The following SLC25A13 variants were observed in gnomAD, a reference collection of about 807,000 sequenced individuals.
SLC25A13 encodes the protein solute carrier family 25 member 13, also known as electrogenic aspartate/glutamate antiporter SLC25A13, mitochondrial.
Under a neutral mutation model 85.5 loss-of-function variants are expected in SLC25A13, and 70 were observed. The ratio of observed to expected loss-of-function variants is 0.82; its 90% CI spans 0.68 to 1.00. The LOEUF (loss-of-function observed/expected upper bound fraction) is 1.00, where lower values mean the gene tolerates loss of function less well. Among genes scored for constraint, SLC25A13 ranks in the 50% least tolerant of loss-of-function variants. SLC25A13 has a pLI of 0.00. For missense variants in SLC25A13, 765 were observed against 819.8 expected (o/e 0.93, Z 0.82); for synonymous variants, 259 against 288.7 (o/e 0.90, Z 1.04).
intron 14 of SLC25A13, among the ~76,000 whole-genome samples, chr7:96,133,207 T>C (rs1792109988): frequency 6.6e-6 from 1 of 152,228 alleles, no homozygotes; most frequent in African/African-American, 2.4e-5. Flanking sequence ...AGCATGCCTC[T>C]GTTCACTCTG....
intron 3 of SLC25A13, among the ~76,000 whole-genome samples, chr7:96,245,340 C>CT (rs1444068719): frequency 6.6e-6 from 1 of 152,048 alleles, no homozygotes; most frequent in African/African-American, 2.4e-5. Context: ...TCCTTGCCAC[C>CT]TCCCTCAACC....
At chr7:96,123,731 G>A (rs1791613401) in intron 15 of SLC25A13, among the ~76,000 whole-genome samples, 1 of 152,164 alleles carries the variant, frequency 6.6e-6, no homozygotes. Context: ...TCCAGTGTGA[G>A]GATTTGCTAA....
intron 3 of SLC25A13, among the ~76,000 whole-genome samples, chr7:96,259,850 T>C (rs553794424): frequency 6.6e-6 from 1 of 152,226 alleles, no homozygotes; most frequent in African/African-American, 2.4e-5. Flanking sequence ...GTGGCATATA[T>C]ACACCATAGA....
rs867595725 is a variant in SLC25A13, at chr7:96,188,588, T to C, written c.933+706A>G. Among the ~76,000 whole-genome samples the C allele has an allele frequency of 5.9e-5, 9 of 152,348 alleles. No homozygotes were observed. The Middle Eastern group carries it at 0.01, about 173-fold the overall frequency. On this transcript the variant is annotated intron_variant, in intron 9 of 17. Transcript: ENST00000265631. The stretch of plus-strand genomic sequence containing the variant: ...GAGTGGATTTATTTTACAAACACCA[T>C]TTATTTTACTAACACATGCTATGAA...
chr7:96,164,696 CA>C (rs1204783807), intron 13 of SLC25A13, among the ~76,000 whole-genome samples: 1 of 109,842 alleles, frequency 9.1e-6, no homozygotes, highest in Non-Finnish European at 1.9e-5. Flanking sequence ...CTATGATTTT[CA>C]AAAGGATTAA....
At chr7:96,192,888 C>T in intron 6 of SLC25A13, 149 bp downstream of exon 6, 3 of 875,812 alleles carry the variant, frequency 3.4e-6, no homozygotes, top group Non-Finnish European at 5.3e-6. Flanking sequence ...CCAAAACACA[C>T]TCTTTGTTTG....
chr7:96,206,316 A>T (rs1344554198), intron 5 of SLC25A13, among the ~76,000 whole-genome samples: 1 of 152,222 alleles, frequency 6.6e-6, no homozygotes, highest in Non-Finnish European at 1.5e-5. Flanking sequence ...TGCCTGACAA[A>T]GCAAGAGCCT....
intron 14 of SLC25A13, among the ~76,000 whole-genome samples, chr7:96,135,299 T>A (rs776105686): frequency 1.3e-4 from 20 of 152,140 alleles, no homozygotes; most frequent in Non-Finnish European, 2.6e-4. Flanking sequence ...CCTCTCCCAG[T>A]TGCGTCAGGA....
At chr7:96,195,098 A>C (rs1243613877) in intron 5 of SLC25A13, among the ~76,000 whole-genome samples, 3 of 152,166 alleles carry the variant, frequency 2.0e-5, no homozygotes, top group Admixed American at 2.0e-4. Context: ...CCCATATTCA[A>C]GTCTCATTCC....
chr7:96,163,890 CCT>C (rs113065926), intron 13 of SLC25A13, among the ~76,000 whole-genome samples: 3 of 151,642 alleles, frequency 2.0e-5, no homozygotes, highest in South Asian at 2.1e-4. Context: ...TTCACAACAT[CCT>C]CTCTCTCTCT....
chr7:96,300,215 G>A (rs188590232), intron 1 of SLC25A13, among the ~76,000 whole-genome samples: 4 of 152,154 alleles, frequency 2.6e-5, no homozygotes, highest in Admixed American at 2.6e-4. Flanking sequence ...TTTGAGATTA[G>A]CCTGGGCAAC....
intron 2 of SLC25A13, among the ~76,000 whole-genome samples, chr7:96,295,669 T>C (rs974834565): frequency 6.6e-6 from 1 of 152,138 alleles, no homozygotes; most frequent in African/African-American, 2.4e-5. Flanking sequence ...GATGTCTCAA[T>C]TAGTTTTAAT....
intron 2 of SLC25A13, among the ~76,000 whole-genome samples, chr7:96,292,124 C>T (rs865783435): frequency 1.3e-5 from 2 of 152,152 alleles, no homozygotes; most frequent in Admixed American, 1.3e-4. Flanking sequence ...GCTGGTTCAA[C>T]ATACGCAAAT....
intron 2 of SLC25A13, among the ~76,000 whole-genome samples, chr7:96,282,057 T>C (rs1287205652): frequency 6.6e-6 from 1 of 152,188 alleles, no homozygotes; most frequent in African/African-American, 2.4e-5. Flanking sequence ...TCATTAATCC[T>C]TCTTTGGGAA....
At chr7:96,143,134 C>T (rs1269432293) in intron 14 of SLC25A13, among the ~76,000 whole-genome samples, 2 of 152,146 alleles carry the variant, frequency 1.3e-5, no homozygotes, top group Non-Finnish European at 2.9e-5. Context: ...ATGTTTTGTA[C>T]TCAAAAAGAG....
chr7:96,221,135 C>T lies in SLC25A13; in HGVS notation c.329-12158G>A, dbSNP rs935446522. Among the ~76,000 whole-genome samples, 5 of 152,246 alleles carry T rather than the reference C, an allele frequency of 3.3e-5. No homozygotes were observed. The East Asian group carries it at 9.6e-4, about 29-fold the overall frequency. ...CAAAATTGAAGCCATTATGGTCAAT[C>T]GTGCAAATCCGTATTTAGCTTTTCG... On this transcript the variant is annotated intron_variant, in intron 4 of 17. Coordinates refer to ENST00000265631, the MANE Select transcript of SLC25A13 (RefSeq NM_014251.3).
intron 4 of SLC25A13, among the ~76,000 whole-genome samples, chr7:96,222,795 A>G (rs1044359659): frequency 6.6e-6 from 1 of 152,220 alleles, no homozygotes; most frequent in African/African-American, 2.4e-5. Context: ...CTTCAGTTAC[A>G]GAAAAATGTA....
At chr7:96,162,741 G>C (rs1471253056) in intron 13 of SLC25A13, among the ~76,000 whole-genome samples, 1 of 152,142 alleles carries the variant, frequency 6.6e-6, no homozygotes, top group Non-Finnish European at 1.5e-5. Context: ...TTATGGATTA[G>C]AATAGTCAAA....
At chr7:96,143,373 T>C (rs1339341242) in intron 14 of SLC25A13, among the ~76,000 whole-genome samples, 1 of 152,236 alleles carries the variant, frequency 6.6e-6, no homozygotes, top group African/African-American at 2.4e-5. Flanking sequence ...CAGGGGTTTA[T>C]GCAATAAAAC....
Sources: gnomAD v4.1 joint callset for allele counts (sites outside exome capture counted in the v4.1 genomes callset) on GRCh38, gnomAD v4.1.1 for gene constraint, MANE v1.5 for transcripts, NCBI Gene and HGNC (gene_info 2026-07-23, HGNC 2026-07-21) for gene names.